Variants in EFCAB6 observed in about 807,000 individuals in gnomAD.
The protein encoded by EFCAB6 is EF-hand calcium binding domain 6.
In EFCAB6, 156 loss-of-function variants were observed where a neutral mutation model predicts 169.8. The ratio of observed to expected loss-of-function variants is 0.92; its 90% CI spans 0.81 to 1.05. The LOEUF (loss-of-function observed/expected upper bound fraction) is 1.05. EFCAB6 is among the 50% of genes least tolerant of loss of function. EFCAB6 has a pLI of 0.00. For missense variants in EFCAB6, 1,800 were observed against 1,829.1 expected (o/e 0.98, Z 0.29); for synonymous variants, 698 against 676.4 (o/e 1.03, Z -0.50).
intron 13 of EFCAB6, among the ~76,000 whole-genome samples, chr22:43,675,612 ATATAT>A (rs1354106496): frequency 3.7e-5 from 5 of 135,562 alleles, no homozygotes; most frequent in Admixed American, 7.1e-5. Flanking sequence ...CTGATATATA[ATATAT>A]TATACATAAT....
At chr22:43,810,302 T>C (rs1353052126) in intron 1 of EFCAB6, among the ~76,000 whole-genome samples, 1 of 152,132 alleles carries the variant, frequency 6.6e-6, no homozygotes, top group Non-Finnish European at 1.5e-5. Flanking sequence ...GTTGCTGTAG[T>C]AGAAATAGAA....
chr22:43,670,942 G>C (rs1266976273), intron 15 of EFCAB6, among the ~76,000 whole-genome samples: 1 of 152,210 alleles, frequency 6.6e-6, no homozygotes, highest in Non-Finnish European at 1.5e-5. Flanking sequence ...AGGTAGTAAG[G>C]CTTTGTGTAT....
intron 3 of EFCAB6, among the ~76,000 whole-genome samples, chr22:43,775,202 C>A (rs758791632): frequency 6.6e-6 from 1 of 152,112 alleles, no homozygotes; most frequent in South Asian, 2.1e-4. Context: ...TGGGCAGGGG[C>A]AGCACCCTTC....
At chr22:43,533,249 A>C (rs1275504431) in intron 30 of EFCAB6, 1 of 152,260 alleles carries the variant, frequency 6.6e-6, no homozygotes, top group African/African-American at 2.4e-5. Context: ...TCCATCCACC[A>C]CACACACTCA....
rs1156854845 is a variant in EFCAB6, at chr22:43,729,430, G to C, written c.757+2269C>G. ...ACATTTCAACATGAGATTTGGAAGA[G>C]ACAAATATCCAAACCATATCACCCT... On this transcript the variant is annotated intron_variant, in intron 8 of 31. Coordinates refer to ENST00000262726, the MANE Select transcript of EFCAB6 (RefSeq NM_022785.4). 2.6e-5 allele frequency among the ~76,000 whole-genome samples: 4 copies of C among 152,116 alleles called. No homozygotes were observed. The East Asian group carries it at 7.7e-4, about 29-fold the overall frequency.
chr22:43,689,128 T>C (rs1230491849), intron 10 of EFCAB6, among the ~76,000 whole-genome samples: 1 of 151,834 alleles, frequency 6.6e-6, no homozygotes, highest in Non-Finnish European at 1.5e-5. Flanking sequence ...GGGGGTGGGA[T>C]GTATCAGTGC....
chr22:43,551,505 A>T (rs1475938774), intron 27 of EFCAB6, among the ~76,000 whole-genome samples: 3 of 152,086 alleles, frequency 2.0e-5, no homozygotes, highest in Non-Finnish European at 4.4e-5. Flanking sequence ...TGTTTTTTAA[A>T]TTTTTTTCCT....
chr22:43,568,738 A>G (rs1394041318), intron 26 of EFCAB6, among the ~76,000 whole-genome samples: 3 of 152,146 alleles, frequency 2.0e-5, no homozygotes, highest in African/African-American at 7.2e-5. Context: ...GGGCTGGGGC[A>G]CAAGGGAGAA....
chr22:43,809,503 G>A (rs539703484), intron 1 of EFCAB6, among the ~76,000 whole-genome samples: 60 of 152,310 alleles, frequency 3.9e-4, no homozygotes, highest in African/African-American at 1.4e-3. Context: ...TTATTATCAG[G>A]CAGTCCTGGA....
intron 16 of EFCAB6, 34 bp from the exon 17 acceptor site, chr22:43,667,306 C>A: frequency 6.2e-7 from 1 of 1,604,952 alleles, no homozygotes; most frequent in East Asian, 2.2e-5. Context: ...GACCCAGTGT[C>A]AACTGACACA....
rs1398560318 is a variant in EFCAB6, at chr22:43,572,310, C to T, written c.3420+3987G>A. Among the ~76,000 whole-genome samples, 1 of 152,154 alleles carries T rather than the reference C, an allele frequency of 6.6e-6. No individual in the cohort carries two copies. The highest frequency in any genetic ancestry group is 1.5e-5 in the Non-Finnish European group (1 of 68,038). ...CTTTAGGAATGTTCTCTCCTTGGTCCAGCAATTCCAGGATCAGCAGAGGCT... is the reference window on the plus strand; with the variant it reads ...CTTTAGGAATGTTCTCTCCTTGGTCTAGCAATTCCAGGATCAGCAGAGGCT... On this transcript the variant is annotated intron_variant, in intron 26 of 31. Transcript: ENST00000262726. This position sits in a 1 kb window ranked among gnomAD's most constrained non-coding sequence, Gnocchi z 4.0.
chr22:43,706,400 G>A (rs750452580), intron 10 of EFCAB6, among the ~76,000 whole-genome samples: 14 of 152,274 alleles, frequency 9.2e-5, no homozygotes, highest in Non-Finnish European at 1.9e-4. Flanking sequence ...TCTTTCCAGA[G>A]CACGAATCAC....
chr22:43,529,116 C>T (rs1408877226), intron 31 of EFCAB6, 141 bp from the exon 32 acceptor site: 1 of 975,874 alleles, frequency 1.0e-6, no homozygotes, highest in East Asian at 2.7e-5. Flanking sequence ...TGTGCGCTCT[C>T]TCTATGCCCT....
intron 2 of EFCAB6, among the ~76,000 whole-genome samples, chr22:43,808,608 C>A (rs1003863814): frequency 6.6e-6 from 1 of 151,918 alleles, no homozygotes; most frequent in African/African-American, 2.4e-5. Context: ...ATTTTTAGGT[C>A]CCGAGGATAT....
rs1162017237 is a variant in EFCAB6 at position 43,735,842 on chromosome 22, C to A, written c.644+15G>T. ...TTCTACTGAGCAATCTCTCACCGTG[C>A]CTTCATTTGCTTACTTTTCGTATTC... On this transcript the variant is annotated intron_variant, in intron 7 of 31. Coordinates refer to ENST00000262726, the MANE Select transcript of EFCAB6 (RefSeq NM_022785.4). The A allele has an allele frequency of 5.6e-6, 9 of 1,611,336 alleles. No individual in the cohort carries two copies. The highest frequency in any genetic ancestry group is 7.6e-6 in the Non-Finnish European group (9 of 1,179,328).
intron 18 of EFCAB6, 56 bp from the exon 19 acceptor site, chr22:43,632,294 CTTTTTTTT>C (rs200314912): frequency 1.7e-5 from 19 of 1,128,268 alleles, no homozygotes; most frequent in East Asian, 1.4e-4. Flanking sequence ...TTCATTCCTT[CTTTTTTTT>C]TTTTTTTTTT....
chr22:43,694,123 T>G (rs137805), intron 10 of EFCAB6, among the ~76,000 whole-genome samples: 2 of 151,756 alleles, frequency 1.3e-5, no homozygotes, highest in Non-Finnish European at 2.9e-5. Context: ...AATATACATA[T>G]ATTTATAAAA....
intron 21 of EFCAB6, among the ~76,000 whole-genome samples, chr22:43,613,068 C>T (rs1479967159): frequency 1.3e-5 from 2 of 149,204 alleles, no homozygotes; most frequent in Non-Finnish European, 3.0e-5. Context: ...AATCCCATTA[C>T]TGGGTATATG....
At chr22:43,695,560 G>A (rs1177527418) in intron 10 of EFCAB6, among the ~76,000 whole-genome samples, 1 of 152,018 alleles carries the variant, frequency 6.6e-6, no homozygotes, top group East Asian at 1.9e-4. Context: ...CAAGTTTGGA[G>A]GACTCATACA....
Sources: gnomAD v4.1 joint callset for allele counts (sites outside exome capture counted in the v4.1 genomes callset) on GRCh38, gnomAD v4.1.1 for gene constraint, Gnocchi (gnomAD v3.1) non-coding constraint, MANE v1.5 for transcripts, NCBI Gene and HGNC (gene_info 2026-07-23, HGNC 2026-07-21) for gene names.